The following SLCO1C1 variants were observed in gnomAD, a reference collection of about 807,000 sequenced individuals.
The protein encoded by SLCO1C1 is solute carrier organic anion transporter family member 1C1, also known as OAT-RP-5.
A neutral mutation model predicts 76.4 loss-of-function variants in SLCO1C1; 70 were observed. That is an observed-to-expected ratio of 0.92 (90% CI 0.76 to 1.12). The LOEUF (loss-of-function observed/expected upper bound fraction) is 1.12, where lower values mean the gene tolerates loss of function less well. Among genes scored for constraint, SLCO1C1 ranks in the 50% most tolerant of loss-of-function variants. The pLI is 0.00. For missense variants in SLCO1C1, 912 were observed against 823.8 expected (o/e 1.11, Z -1.31); for synonymous variants, 306 against 286.1 (o/e 1.07, Z -0.70).
At chr12:20,737,616 C>T (rs924783190) in intron 11 of SLCO1C1, among the ~76,000 whole-genome samples, 1 of 152,132 alleles carries the variant, frequency 6.6e-6, no homozygotes, top group Non-Finnish European at 1.5e-5. Flanking sequence ...TCCCCTGGCC[C>T]TAAGATCCGT....
intron 4 of SLCO1C1, among the ~76,000 whole-genome samples, chr12:20,709,306 T>G (rs1946941584): frequency 6.6e-6 from 1 of 152,210 alleles, no homozygotes; most frequent in Non-Finnish European, 1.5e-5. Context: ...AACGTTAATT[T>G]TTTTAGAGTA....
intron 13 of SLCO1C1, among the ~76,000 whole-genome samples, chr12:20,745,570 A>G (rs545648596): frequency 6.6e-6 from 1 of 152,314 alleles, no homozygotes; most frequent in African/African-American, 2.4e-5. Context: ...CATGCCTGTA[A>G]TCCCAGCACT....
chr12:20,710,375 A>C, intron 4 of SLCO1C1, among the ~76,000 whole-genome samples: 1 of 151,856 alleles, frequency 6.6e-6, no homozygotes, highest in South Asian at 2.1e-4. Flanking sequence ...ATGCCAATGC[A>C]TATTCCTGTG....
chr12:20,696,683 T>C (rs796127723), intron 1 of SLCO1C1: 8 of 152,244 alleles, frequency 5.3e-5, no homozygotes, highest in African/African-American at 1.9e-4. Context: ...TGGCCAGAGA[T>C]CAATTAAGGA....
At chr12:20,735,660 T>G (rs1433123014) in intron 10 of SLCO1C1, among the ~76,000 whole-genome samples, 1 of 152,102 alleles carries the variant, frequency 6.6e-6, no homozygotes, top group Non-Finnish European at 1.5e-5. Context: ...ATCTCAGAGG[T>G]CTTTGGTTTG....
At chr12:20,708,384 C>G (rs898301358) in intron 4 of SLCO1C1, among the ~76,000 whole-genome samples, 1 of 152,114 alleles carries the variant, frequency 6.6e-6, no homozygotes, top group Non-Finnish European at 1.5e-5. Context: ...TCTGCCCTCA[C>G]AGATCTTCTG....
chr12:20,747,812 A>T (rs1006071284), intron 13 of SLCO1C1, among the ~76,000 whole-genome samples: 1 of 152,196 alleles, frequency 6.6e-6, no homozygotes, highest in South Asian at 2.1e-4. Flanking sequence ...GTAAACATAT[A>T]CAAAGATAGC....
At chr12:20,743,952 T>C (rs898296992) in intron 13 of SLCO1C1, among the ~76,000 whole-genome samples, 4 of 151,938 alleles carry the variant, frequency 2.6e-5, no homozygotes, top group Admixed American at 2.0e-4. Flanking sequence ...AAAGTTTTTA[T>C]CCTTAAAGAG....
chr12:20,708,756 A>T (rs1260948768), intron 4 of SLCO1C1, among the ~76,000 whole-genome samples: 1 of 152,160 alleles, frequency 6.6e-6, no homozygotes, highest in African/African-American at 2.4e-5. Context: ...GCTGAGAAGT[A>T]AAAGGGAATG....
At chr12:20,742,224 A>G (rs985349650) in intron 12 of SLCO1C1, among the ~76,000 whole-genome samples, 2 of 152,088 alleles carry the variant, frequency 1.3e-5, no homozygotes, top group African/African-American at 4.8e-5. Flanking sequence ...CAAGTGTAGA[A>G]TCAGGTTGCT....
chr12:20,742,281 T>C (rs530337201), intron 12 of SLCO1C1, among the ~76,000 whole-genome samples: 10 of 151,886 alleles, frequency 6.6e-5, no homozygotes, highest in African/African-American at 2.4e-4. Context: ...ATATTAACTA[T>C]TGTGAATTTT....
intron 4 of SLCO1C1, among the ~76,000 whole-genome samples, chr12:20,710,270 C>T (rs1239621102): frequency 7.2e-6 from 1 of 138,902 alleles, no homozygotes; most frequent in Non-Finnish European, 1.5e-5. Flanking sequence ...TGCAATGGCG[C>T]GATCTTGGCT....
At chr12:20,732,576 T>C (rs1348755685) in intron 9 of SLCO1C1, among the ~76,000 whole-genome samples, 1 of 152,218 alleles carries the variant, frequency 6.6e-6, no homozygotes, top group African/African-American at 2.4e-5. Context: ...TTATTTTTTA[T>C]ATACAACATT....
intron 11 of SLCO1C1, among the ~76,000 whole-genome samples, chr12:20,737,562 T>C (rs138011860): frequency 6.6e-6 from 1 of 152,310 alleles, no homozygotes; most frequent in Non-Finnish European, 1.5e-5. Flanking sequence ...AATTAGAATG[T>C]CTGTCGTATG....
At chr12:20,713,372 C>T (rs910787296) in intron 5 of SLCO1C1, among the ~76,000 whole-genome samples, 5 of 152,184 alleles carry the variant, frequency 3.3e-5, no homozygotes, top group African/African-American at 7.2e-5. Flanking sequence ...AGCCACCGCG[C>T]CCGGCCAGAT....
At chr12:20,716,669 G>A (rs1947372939) in intron 6 of SLCO1C1, among the ~76,000 whole-genome samples, 2 of 152,076 alleles carry the variant, frequency 1.3e-5, no homozygotes, top group African/African-American at 4.8e-5. Context: ...ACAGGTCCTG[G>A]TCTCACTAAT....
intron 1 of SLCO1C1, among the ~76,000 whole-genome samples, chr12:20,699,136 A>G (rs1192148855): frequency 1.3e-5 from 2 of 152,094 alleles, no homozygotes; most frequent in Non-Finnish European, 2.9e-5. Context: ...TGTTTTGCTA[A>G]GAAGATAGAT....
intron 11 of SLCO1C1, among the ~76,000 whole-genome samples, chr12:20,738,388 G>A (rs1948645503): frequency 6.6e-6 from 1 of 151,974 alleles, no homozygotes; most frequent in Admixed American, 6.6e-5. Context: ...CAATCCTAGA[G>A]GGCAGAAAAT....
At chr12:20,736,276 TGAA>T (rs1044500233) in intron 10 of SLCO1C1, among the ~76,000 whole-genome samples, 18 of 130,782 alleles carry the variant, frequency 1.4e-4, no homozygotes, top group African/African-American at 4.6e-4. Flanking sequence ...CAAAAAAAAA[TGAA>T]GGAGAAAAGA....
Sources: allele counts gnomAD v4.1 joint callset (sites outside exome capture counted in the v4.1 genomes callset), GRCh38; gene constraint gnomAD v4.1.1; transcripts MANE v1.5; gene names NCBI Gene and HGNC (gene_info 2026-07-23, HGNC 2026-07-21).